Variants in LEF1 observed in about 807,000 individuals in gnomAD.
The protein encoded by LEF1 is lymphoid enhancer binding factor 1.
LEF1 carries 14 observed loss-of-function variants against 51.2 expected under a neutral mutation model. The ratio of observed to expected loss-of-function variants is 0.27; its 90% CI spans 0.18 to 0.43. The LOEUF (loss-of-function observed/expected upper bound fraction) is 0.43, where lower values mean the gene tolerates loss of function less well. LEF1 is among the 20% of genes least tolerant of loss of function. The pLI, the probability that LEF1 is intolerant of heterozygous loss-of-function variation, is 1.00. For missense variants in LEF1, 386 were observed against 512.0 expected (o/e 0.75, Z 2.37); for synonymous variants, 185 against 183.2 (o/e 1.01, Z -0.08).
chr4:108,058,348 TTTAA>T (rs1228020651), intron 11 of LEF1, among the ~76,000 whole-genome samples: 2 of 152,226 alleles, frequency 1.3e-5, no homozygotes, highest in African/African-American at 4.8e-5. Flanking sequence ...TTGAAAATTG[TTTAA>T]TTAGTAAACT....
intron 11 of LEF1, among the ~76,000 whole-genome samples, chr4:108,052,092 T>C (rs1737034737): frequency 6.6e-6 from 1 of 152,154 alleles, no homozygotes; most frequent in African/African-American, 2.4e-5. Context: ...GAGACAAGTC[T>C]ATGGGTGAGC....
At position 108,165,232 on chromosome 4, in the gene LEF1, A is replaced by T. The variant is rs1462079328; in HGVS notation, c.214-69T>A. On this transcript the variant is annotated intron_variant, in intron 1 of 11. Transcript: ENST00000265165. The stretch of plus-strand genomic sequence containing the variant: ...TAGAGTTTGTGACAATAATGGTACA[A>T]ATGTGTGTGCGCTGGTAATTCAAAG... 2.8e-6 allele frequency: 4 copies of T among 1,409,724 alleles called. No homozygotes were observed. The East Asian group carries it at 9.1e-5, about 32-fold the overall frequency. The allele number at this position is 1,409,724 out of a possible 1,614,324, so 87.3% of individuals were successfully genotyped here.
chr4:108,155,567 C>G (rs776085246), intron 3 of LEF1, among the ~76,000 whole-genome samples: 1 of 152,192 alleles, frequency 6.6e-6, no homozygotes, highest in Non-Finnish European at 1.5e-5. Context: ...TCAAGCACTT[C>G]TTATAGCTGC....
intron 4 of LEF1, among the ~76,000 whole-genome samples, chr4:108,084,559 T>A (rs537442951): frequency 2.0e-5 from 3 of 152,378 alleles, no homozygotes; most frequent in African/African-American, 4.8e-5. Context: ...CAAGAAGTGC[T>A]GTCTTGAAAG....
At chr4:108,111,758 CAAAAAAATTA>C (rs1741547633) in intron 3 of LEF1, among the ~76,000 whole-genome samples, 1 of 152,040 alleles carries the variant, frequency 6.6e-6, no homozygotes, top group African/African-American at 2.4e-5. Context: ...CAAAAAAATA[CAAAAAAATTA>C]GCAGGGCATG....
chr4:108,083,512 C>G (rs1739451924), intron 4 of LEF1, 66 bp from the exon 5 acceptor site: 9 of 998,786 alleles, frequency 9.0e-6, no homozygotes, highest in Non-Finnish European at 1.4e-5. Flanking sequence ...AATGCAACTA[C>G]ATGTTTTATA....
chr4:108,065,676 T>TA (rs1738032137), intron 9 of LEF1, among the ~76,000 whole-genome samples: 4 of 152,164 alleles, frequency 2.6e-5, no homozygotes, highest in Non-Finnish European at 5.9e-5. Context: ...TGCACTTTTA[T>TA]AGAGCCACAA....
chr4:108,076,818 C>T (rs1046321577), intron 8 of LEF1, among the ~76,000 whole-genome samples: 3 of 151,550 alleles, frequency 2.0e-5, no homozygotes, highest in Non-Finnish European at 4.4e-5. Context: ...GTCTGGAGTT[C>T]AAGATCAACC....
At chr4:108,085,527 C>T (rs1464329697) in intron 4 of LEF1, among the ~76,000 whole-genome samples, 1 of 152,186 alleles carries the variant, frequency 6.6e-6, no homozygotes, top group Non-Finnish European at 1.5e-5. Flanking sequence ...TGTCTTTAAG[C>T]TTAAACTCTT....
intron 2 of LEF1, 68 bp downstream of exon 2, chr4:108,165,029 A>G (rs1359860960): frequency 2.2e-5 from 31 of 1,393,892 alleles, no homozygotes; most frequent in African/African-American, 8.5e-5. Context: ...AAGTAACAAA[A>G]CACACCTATT....
At chr4:108,122,644 A>G (rs1742250869) in intron 3 of LEF1, among the ~76,000 whole-genome samples, 1 of 151,982 alleles carries the variant, frequency 6.6e-6, no homozygotes, top group East Asian at 1.9e-4. Flanking sequence ...TGCCCAGCTA[A>G]TTTATTTTTA....
chr4:108,075,979 A>C (rs1738827249), intron 8 of LEF1, among the ~76,000 whole-genome samples: 1 of 151,632 alleles, frequency 6.6e-6, no homozygotes, highest in African/African-American at 2.4e-5. Context: ...AGGAGTGGCC[A>C]CCTCTGTTTG....
intron 3 of LEF1, among the ~76,000 whole-genome samples, chr4:108,157,765 T>G (rs1385524346): frequency 4.6e-5 from 7 of 152,234 alleles, no homozygotes. Context: ...CTATACAGAT[T>G]GAAGGCATGT....
intron 3 of LEF1, among the ~76,000 whole-genome samples, chr4:108,114,992 G>A (rs1741747237): frequency 1.3e-5 from 2 of 152,208 alleles, no homozygotes; most frequent in South Asian, 4.1e-4. Context: ...AGGAGGAGAC[G>A]AGCATCCGAA....
intron 3 of LEF1, among the ~76,000 whole-genome samples, chr4:108,105,342 G>A (rs556104157): frequency 4.3e-4 from 66 of 151,978 alleles, no homozygotes; most frequent in African/African-American, 1.4e-3. Context: ...CACCACACCC[G>A]GCTAATTTTT....
chr4:108,080,599 CATG>C (rs539651094), intron 6 of LEF1, among the ~76,000 whole-genome samples: 75 of 152,100 alleles, frequency 4.9e-4, no homozygotes, highest in Non-Finnish European at 8.2e-4. Flanking sequence ...TGCAAAAATA[CATG>C]ATGATAGTTA....
At chr4:108,151,123 C>A (rs1276755182) in intron 3 of LEF1, among the ~76,000 whole-genome samples, 1 of 152,260 alleles carries the variant, frequency 6.6e-6, no homozygotes, top group South Asian at 2.1e-4. Flanking sequence ...TCATGAATGC[C>A]TGTCTTCAAA....
chr4:108,153,995 C>G (rs946351452), intron 3 of LEF1, among the ~76,000 whole-genome samples: 1 of 152,112 alleles, frequency 6.6e-6, no homozygotes, highest in African/African-American at 2.4e-5. Context: ...AAAGGCCACA[C>G]AGAAAAAGTG....
intron 1 of LEF1, 151 bp from the exon 2 acceptor site, chr4:108,165,314 G>C (rs980782058): frequency 2.6e-5 from 17 of 647,106 alleles, no homozygotes; most frequent in Admixed American, 1.1e-4. Context: ...CTAGTGTTTA[G>C]TACTGCATAA....
Sources: gnomAD v4.1 joint callset for allele counts (sites outside exome capture counted in the v4.1 genomes callset) on GRCh38, gnomAD v4.1.1 for gene constraint, MANE v1.5 for transcripts, NCBI Gene and HGNC (gene_info 2026-07-23, HGNC 2026-07-21) for gene names.